The following FBLN7 variants were observed in gnomAD, a reference collection of about 807,000 sequenced individuals.
FBLN7 encodes the protein fibulin 7, also known as fibulin-7.
In FBLN7, 31 loss-of-function variants were observed where a neutral mutation model predicts 44.0. The ratio of observed to expected loss-of-function variants is 0.70; its 90% CI spans 0.53 to 0.95. The LOEUF is 0.95. Among genes scored for constraint, FBLN7 ranks in the 40% least tolerant of loss-of-function variants. The pLI, the probability that FBLN7 is intolerant of heterozygous loss-of-function variation, is 0.00. For missense variants in FBLN7, 573 were observed against 618.5 expected, an observed-to-expected ratio of 0.93 and a Z score of 0.78; for synonymous variants, 262 against 253.4, an observed-to-expected ratio of 1.03 and a Z score of -0.32.
chr2:112,171,235 C>T (rs1434598424), intron 3 of FBLN7, among the ~76,000 whole-genome samples: 1 of 151,954 alleles, frequency 6.6e-6, no homozygotes, highest in African/African-American at 2.4e-5. Flanking sequence ...TACTGAAATC[C>T]ATAGGCAGTG....
chr2:112,221,604 G>A, the FBLN7 span, among the ~76,000 whole-genome samples: 1 of 152,044 alleles, frequency 6.6e-6, no homozygotes, highest in Non-Finnish European at 1.5e-5. Context: ...AGGTATTTTG[G>A]AGAGCCAGTC....
the FBLN7 span, among the ~76,000 whole-genome samples, chr2:112,218,115 C>G: frequency 3.3e-5 from 5 of 152,202 alleles, no homozygotes; most frequent in Admixed American, 2.0e-4. Flanking sequence ...GCTTGCAACT[C>G]AGATAACACA....
chr2:112,228,412 GA>G, the FBLN7 span, among the ~76,000 whole-genome samples: 2 of 151,350 alleles, frequency 1.3e-5, no homozygotes, highest in Admixed American at 1.3e-4. Flanking sequence ...TGAGGCATGA[GA>G]ATCACTTGAA....
the FBLN7 span, chr2:112,238,565 G>C: frequency 2.0e-6 from 3 of 1,533,298 alleles, no homozygotes. Context: ...TAAAAACCTA[G>C]CATGATTCAA....
the FBLN7 span, among the ~76,000 whole-genome samples, chr2:112,221,937 C>T: frequency 6.6e-6 from 1 of 152,190 alleles, no homozygotes; most frequent in Admixed American, 6.5e-5. Context: ...AGAAGGCACT[C>T]TGGCTTTTTG....
intron 3 of FBLN7, among the ~76,000 whole-genome samples, chr2:112,168,204 C>CT (rs1682270380): frequency 2.6e-5 from 4 of 152,238 alleles, no homozygotes; most frequent in African/African-American, 9.6e-5. Context: ...TAGCCTCCTG[C>CT]ATAGCCCTTT....
At chr2:112,180,089 A>G (rs1404768421) in intron 4 of FBLN7, among the ~76,000 whole-genome samples, 3 of 152,236 alleles carry the variant, frequency 2.0e-5, no homozygotes, top group Non-Finnish European at 2.9e-5. Context: ...CAAACTATGC[A>G]TCTGACAAAG....
the FBLN7 span, among the ~76,000 whole-genome samples, chr2:112,220,215 A>G: frequency 2.3e-4 from 35 of 152,278 alleles, no homozygotes; most frequent in African/African-American, 8.2e-4. Flanking sequence ...TATTATGCAG[A>G]CATGTTTGTG....
intron 1 of FBLN7, among the ~76,000 whole-genome samples, chr2:112,149,882 A>G (rs1040946681): frequency 8.5e-5 from 13 of 152,206 alleles, no homozygotes; most frequent in African/African-American, 3.1e-4. Context: ...TATATAGGAA[A>G]ATGTGTTCCT....
chr2:112,193,707 G>T, the FBLN7 span, among the ~76,000 whole-genome samples: 1 of 152,150 alleles, frequency 6.6e-6, no homozygotes, highest in African/African-American at 2.4e-5. Flanking sequence ...CCGTAATCGT[G>T]TGCAATGACA....
At chr2:112,179,343 G>A (rs1375785145) in intron 4 of FBLN7, among the ~76,000 whole-genome samples, 1 of 152,074 alleles carries the variant, frequency 6.6e-6, no homozygotes, top group African/African-American at 2.4e-5. Context: ...AATCAGAGAA[G>A]ACACAGACAA....
intron 3 of FBLN7, among the ~76,000 whole-genome samples, chr2:112,171,445 G>A (rs1212087701): frequency 6.6e-6 from 1 of 152,000 alleles, no homozygotes; most frequent in Non-Finnish European, 1.5e-5. Context: ...CAGTGAGAAG[G>A]GAGCAGAGCT....
chr2:112,164,876 A>AAT, intron 2 of FBLN7, 125 bp from the exon 3 acceptor site: 1 of 1,041,070 alleles, frequency 9.6e-7, no homozygotes, highest in Non-Finnish European at 1.4e-6. Flanking sequence ...TGACCAGCAC[A>AAT]GTGCACAGCC....
chr2:112,168,062 C>T (rs182440849), intron 3 of FBLN7, among the ~76,000 whole-genome samples: 8 of 152,270 alleles, frequency 5.3e-5, no homozygotes, highest in Admixed American at 6.5e-5. Context: ...GCAGAGCAGA[C>T]GGTCCCACCT....
chr2:112,163,439 A>G (rs1273733717), intron 2 of FBLN7, among the ~76,000 whole-genome samples: 1 of 152,266 alleles, frequency 6.6e-6, no homozygotes, highest in Non-Finnish European at 1.5e-5. Context: ...TGCATTTTAG[A>G]AGTGGCTCTG....
At chr2:112,231,895 T>C in the FBLN7 span, 9 of 1,591,026 alleles carry the variant, frequency 5.7e-6, no homozygotes, top group Admixed American at 3.4e-5. Context: ...ACTTGCAGTA[T>C]TCTCCCTGAT....
At chr2:112,199,228 T>C in the FBLN7 span, among the ~76,000 whole-genome samples, 1 of 152,180 alleles carries the variant, frequency 6.6e-6, no homozygotes, top group South Asian at 2.1e-4. Context: ...TTAGCATCCC[T>C]GCATGCAACT....
At chr2:112,196,939 G>A in the FBLN7 span, among the ~76,000 whole-genome samples, 1 of 151,952 alleles carries the variant, frequency 6.6e-6, no homozygotes, top group South Asian at 2.1e-4. Context: ...ACTTGTGCAG[G>A]GGAACTCCTC....
chr2:112,171,703 G>T (rs894702433), intron 3 of FBLN7, among the ~76,000 whole-genome samples: 2 of 152,150 alleles, frequency 1.3e-5, no homozygotes, highest in African/African-American at 4.8e-5. Flanking sequence ...TCTGTGTATA[G>T]ATATTAACGT....
Sources: allele counts gnomAD v4.1 joint callset (sites outside exome capture counted in the v4.1 genomes callset), GRCh38; gene constraint gnomAD v4.1.1; transcripts MANE v1.5; gene names NCBI Gene and HGNC (gene_info 2026-07-23, HGNC 2026-07-21).